SLC1A3: variants seen among roughly 807,000 people sequenced by gnomAD.
The protein encoded by SLC1A3 is solute carrier family 1 member 3.
Under a neutral mutation model 48.1 loss-of-function variants are expected in SLC1A3, and 21 were observed. The ratio of observed to expected loss-of-function variants is 0.44; its 90% CI spans 0.31 to 0.63. SLC1A3 has a LOEUF of 0.63. Among genes scored for constraint, SLC1A3 ranks in the 20% least tolerant of loss-of-function variants. The pLI is 0.08. For synonymous variants in SLC1A3, 239 were observed against 251.4 expected (o/e 0.95, Z 0.47); for missense variants, 546 against 689.0 (o/e 0.79, Z 2.32).
intron 2 of SLC1A3, among the ~76,000 whole-genome samples, chr5:36,626,851 A>G (rs1478569118): frequency 6.6e-6 from 1 of 152,238 alleles, no homozygotes; most frequent in African/African-American, 2.4e-5. Flanking sequence ...TAAATGCCTT[A>G]CACCAGATTG....
intron 3 of SLC1A3, among the ~76,000 whole-genome samples, chr5:36,630,239 G>C (rs1437492620): frequency 6.6e-6 from 1 of 152,196 alleles, no homozygotes; most frequent in East Asian, 1.9e-4. Context: ...TTAACAAGTG[G>C]AAGCTTTGCA....
intron 8 of SLC1A3, among the ~76,000 whole-genome samples, chr5:36,681,978 A>C (rs1742459162): frequency 6.6e-6 from 1 of 152,168 alleles, no homozygotes; most frequent in African/African-American, 2.4e-5. Context: ...AAAAATTGCA[A>C]ACGTTTTGCC....
chr5:36,608,417 G>A lies in SLC1A3; in HGVS notation c.-7G>A, dbSNP rs1391807631. 6.2e-7 allele frequency: 1 copy of A among 1,613,742 alleles called. No individual in the cohort carries two copies. The highest frequency in any genetic ancestry group is 2.2e-5 in the East Asian group (1 of 44,896). ...GCAAAGAAGAGACCCTCCTAGAAAA[G>A]TAAAATATGACTAAAAGCAATGGAG... On this transcript the variant is annotated 5_prime_UTR_variant, in exon 2 of 10. Coordinates refer to ENST00000265113, the MANE Select transcript of SLC1A3 (RefSeq NM_004172.5).
At chr5:36,678,229 G>A (rs1742290851) in intron 6 of SLC1A3, among the ~76,000 whole-genome samples, 1 of 152,206 alleles carries the variant, frequency 6.6e-6, no homozygotes, top group African/African-American at 2.4e-5. Flanking sequence ...ACAAAGCCCA[G>A]AGAAATCCAT....
chr5:36,628,426 C>T (rs1739997586), intron 2 of SLC1A3, among the ~76,000 whole-genome samples: 2 of 152,166 alleles, frequency 1.3e-5, no homozygotes, highest in South Asian at 4.1e-4. Flanking sequence ...CCCACCACCC[C>T]CAGCCTTTAG....
In SLC1A3 at chr5:36,634,455, G is replaced by A. The variant is rs776803068; in HGVS notation, c.319+4868G>A. On this transcript the variant is annotated intron_variant, in intron 3 of 9. Coordinates refer to ENST00000265113, the MANE Select transcript of SLC1A3 (RefSeq NM_004172.5). ...TGTGATTTAATATTAATTAAGGTAG[G>A]ATTTCCACACCACCAGAACACCTAT... 7.2e-5 allele frequency among the ~76,000 whole-genome samples: 11 copies of A among 152,100 alleles called. No individual in the cohort carries two copies. The Middle Eastern group carries it at 0.01, about 141-fold the overall frequency.
At chr5:36,684,683 C>T (rs557911844) in intron 9 of SLC1A3, among the ~76,000 whole-genome samples, 12 of 152,260 alleles carry the variant, frequency 7.9e-5, no homozygotes, top group Admixed American at 3.3e-4. Context: ...GAACAGAGTA[C>T]GTGTTGGAGT....
rs1339490346 is a variant in SLC1A3 at position 36,687,615 on chromosome 5, G to A, written c.*1346G>A. On this transcript the variant is annotated 3_prime_UTR_variant, in exon 10 of 10. Transcript: ENST00000265113. ...TTCTTTAATCAAAAGTCCTTAGAAT[G>A]AGGGAAACAAAATATTTATTTGTTT... is the stretch of plus-strand genomic sequence containing the variant. The A allele has an allele frequency of 6.6e-6, 1 of 152,188 alleles. No homozygotes were observed. The highest frequency in any genetic ancestry group is 2.4e-5 in the African/African-American group (1 of 41,414). 9.4% of individuals were successfully genotyped at this position (152,188 alleles called of 1,614,324 possible). A position where few individuals can be genotyped will look rare whatever the true frequency, so the allele number is the denominator to read the frequency against.
intron 3 of SLC1A3, among the ~76,000 whole-genome samples, chr5:36,648,639 G>T (rs999711652): frequency 2.6e-5 from 4 of 152,150 alleles, no homozygotes; most frequent in Admixed American, 1.3e-4. Flanking sequence ...AACTTCTCAC[G>T]TGTACAGATA....
At chr5:36,614,551 C>T (rs748014368) in intron 2 of SLC1A3, among the ~76,000 whole-genome samples, 51 of 152,140 alleles carry the variant, frequency 3.4e-4, no homozygotes, top group Admixed American at 1.0e-3. Context: ...AGAAAGTAAT[C>T]CCCAGGCAGC....
intron 2 of SLC1A3, among the ~76,000 whole-genome samples, chr5:36,619,576 A>G (rs191988378): frequency 1.3e-3 from 196 of 152,276 alleles, no homozygotes; most frequent in Non-Finnish European, 2.1e-3. Context: ...GAAGTTCGAG[A>G]CCAGCCTGGG....
intron 2 of SLC1A3, among the ~76,000 whole-genome samples, chr5:36,618,422 T>G (rs373607174): frequency 5.3e-5 from 8 of 152,320 alleles, no homozygotes; most frequent in African/African-American, 1.9e-4. Context: ...GAAATAAGTC[T>G]ATAGAAGCTA....
chr5:36,649,915 T>C (rs549547527), intron 3 of SLC1A3, among the ~76,000 whole-genome samples: 1 of 152,368 alleles, frequency 6.6e-6, no homozygotes, highest in African/African-American at 2.4e-5. Context: ...GCCTTCCCCA[T>C]TGAAAATCAC....
chr5:36,660,767 A>C (rs1244942965), intron 3 of SLC1A3, among the ~76,000 whole-genome samples: 1 of 152,252 alleles, frequency 6.6e-6, no homozygotes, highest in African/African-American at 2.4e-5. Flanking sequence ...TAGATAAAAC[A>C]ACCAATGAGC....
At chr5:36,601,802 T>C (rs549021891), upstream of SLC1A3, among the ~76,000 whole-genome samples, 33 of 152,154 alleles carry the variant, frequency 2.2e-4, no homozygotes, top group Middle Eastern at 3.4e-3. Flanking sequence ...CTTTTTTTTT[T>C]CCTTTTAAGT....
intron 2 of SLC1A3, among the ~76,000 whole-genome samples, chr5:36,612,493 G>A (rs1739244742): frequency 6.6e-6 from 1 of 151,996 alleles, no homozygotes; most frequent in Non-Finnish European, 1.5e-5. Flanking sequence ...GGCTGAAGTG[G>A]GAGGAGGATC....
intron 3 of SLC1A3, among the ~76,000 whole-genome samples, chr5:36,643,571 C>T (rs540723735): frequency 7.2e-5 from 11 of 152,170 alleles, no homozygotes; most frequent in African/African-American, 2.2e-4. Context: ...CTTGTAAAAA[C>T]GCTGGGCACT....
chr5:36,619,206 G>C (rs1054850990), intron 2 of SLC1A3, among the ~76,000 whole-genome samples: 2 of 152,344 alleles, frequency 1.3e-5, no homozygotes, highest in East Asian at 3.9e-4. Context: ...AGGAGTGGGG[G>C]AGGGTTAAGA....
chr5:36,647,934 A>G (rs934831068), intron 3 of SLC1A3, among the ~76,000 whole-genome samples: 1 of 152,138 alleles, frequency 6.6e-6, no homozygotes. Flanking sequence ...ATTTATTCCA[A>G]TATTTATTGG....
Sources: allele counts gnomAD v4.1 joint callset (sites outside exome capture counted in the v4.1 genomes callset), GRCh38; gene constraint gnomAD v4.1.1; transcripts MANE v1.5; gene names NCBI Gene and HGNC (gene_info 2026-07-23, HGNC 2026-07-21).